The following KCNK12 variants were observed in gnomAD, a reference collection of about 807,000 sequenced individuals.
KCNK12 encodes potassium two pore domain channel subfamily K member 12.
A neutral mutation model predicts 25.3 loss-of-function variants in KCNK12; 6 were observed. The observed-to-expected ratio is 0.24, with a 90% CI of 0.13 to 0.47. The LOEUF (loss-of-function observed/expected upper bound fraction) is 0.47, where lower values mean the gene tolerates loss of function less well. KCNK12 is among the 20% of genes least tolerant of loss of function. The pLI is 0.99. For missense variants in KCNK12, 444 were observed against 661.7 expected (o/e 0.67, Z 3.61); for synonymous variants, 331 against 311.1 (o/e 1.06, Z -0.67).
chr2:47,531,778 C>T (rs1012516899), intron 1 of KCNK12, among the ~76,000 whole-genome samples: 1 of 152,182 alleles, frequency 6.6e-6, no homozygotes, highest in Non-Finnish European at 1.5e-5. Flanking sequence ...GATTAGGCAG[C>T]ACATAGGCCA....
Position 47,512,394 on chromosome 2 carries a change from G to A in KCNK12, c.*8513C>T, listed in dbSNP as rs116117580. 0.018 allele frequency: 29,135 copies of A among 1,611,322 alleles called. 349 individuals are homozygous for A. The highest frequency in any genetic ancestry group is 0.022 in the Non-Finnish European group (26,103 of 1,179,168). ...GGGGGAAAGAGATCTGCTTGCAGTCGGCCAGAGAGACAGAACCAGGGCAGT... is the reference window on the plus strand; with the variant it reads ...GGGGGAAAGAGATCTGCTTGCAGTCAGCCAGAGAGACAGAACCAGGGCAGT... On this transcript the variant is annotated 3_prime_UTR_variant, in exon 2 of 2. Transcript: ENST00000327876.
intron 1 of KCNK12, among the ~76,000 whole-genome samples, chr2:47,552,499 G>A (rs530680966): frequency 1.1e-4 from 16 of 152,328 alleles, no homozygotes; most frequent in Middle Eastern, 3.4e-3. Context: ...AGAGCCTGGC[G>A]GCTCATGCCT....
chr2:47,510,423 C>T lies in KCNK12; in HGVS notation c.*10484G>A, dbSNP rs1024713256. 5.3e-5 allele frequency: 8 copies of T among 152,038 alleles called. No homozygotes were observed. The highest frequency in any genetic ancestry group is 6.6e-5 in the Admixed American group (1 of 15,266). The allele number at this position is 152,038 out of a possible 1,614,324, so 9.4% of individuals were successfully genotyped here. On this transcript the variant is annotated 3_prime_UTR_variant, in exon 2 of 2. Transcript: ENST00000327876. ...CTTTCATAACTGATACAGGAGGGAC[C>T]CTGTGATTGGCAGTTCCACTAGACT...
chr2:47,569,884 A>G lies in KCNK12; in HGVS notation c.391+57T>C. ...GCGGACCGAGCGGCCGAGCAGTGGA[A>G]AGGGCGGCAGGTGAAAGGCACAGAG... On this transcript the variant is annotated intron_variant, in intron 1 of 1. Transcript: ENST00000327876. The surrounding 1 kb of genome is among the most constrained non-coding windows in gnomAD (Gnocchi z 4.1). 1 of 1,270,780 alleles carries G rather than the reference A, an allele frequency of 7.9e-7. No homozygotes were observed. Among genetic ancestry groups the G allele is most frequent in the Non-Finnish European group, 1.0e-6 (1 of 994,916 alleles). The allele number at this position is 1,270,780 out of a possible 1,614,324, so 78.7% of individuals were successfully genotyped here.
chr2:47,516,264 A>G lies in KCNK12; in HGVS notation c.*4643T>C, dbSNP rs766464526. On this transcript the variant is annotated 3_prime_UTR_variant, in exon 2 of 2. Coordinates refer to ENST00000327876, the MANE Select transcript of KCNK12 (RefSeq NM_022055.2). ...CTGGCCTGAGTTGCTCCTTAGACCA[A>G]TGAAATCAGACTCCTGGGAGTACGG... Among the ~76,000 whole-genome samples, 19 of 152,208 alleles carry G rather than the reference A, an allele frequency of 1.2e-4. No homozygotes were observed. The highest frequency in any genetic ancestry group is 1.9e-4 in the East Asian group (1 of 5,200).
rs1333545490 is a variant in KCNK12 at position 47,514,660 on chromosome 2, G to T, written c.*6247C>A. On this transcript the variant is annotated 3_prime_UTR_variant, in exon 2 of 2. Coordinates refer to ENST00000327876, the MANE Select transcript of KCNK12 (RefSeq NM_022055.2). This position sits in a 1 kb window ranked among gnomAD's most constrained non-coding sequence, Gnocchi z 5.0. ...GGGTCTTACTCTGTCACCAAGGCTG[G>T]AGTGCAGTGGCATGATCATGGCTCA... Among the ~76,000 whole-genome samples, 1 of 151,222 alleles carries T rather than the reference G, an allele frequency of 6.6e-6. No individual in the cohort carries two copies. The highest frequency in any genetic ancestry group is 1.9e-4 in the East Asian group (1 of 5,158).
chr2:47,513,763 G>A lies in KCNK12; in HGVS notation c.*7144C>T, dbSNP rs1323406808. 2.0e-5 allele frequency among the ~76,000 whole-genome samples: 3 copies of A among 152,134 alleles called. No individual in the cohort carries two copies. Among genetic ancestry groups the A allele is most frequent in the Admixed American group, 6.5e-5 (1 of 15,276 alleles). On this transcript the variant is annotated 3_prime_UTR_variant, in exon 2 of 2. Coordinates refer to ENST00000327876, the MANE Select transcript of KCNK12 (RefSeq NM_022055.2). Reference sequence around the variant, plus strand: ...CACTGTCTACCTGGCTGCTTAGCCTGAGACCTGGCTCCGTCCCAATTCCTC... The same window carrying A: ...CACTGTCTACCTGGCTGCTTAGCCTAAGACCTGGCTCCGTCCCAATTCCTC...
Position 47,517,942 on chromosome 2 carries a change from C to T in KCNK12, c.*2965G>A, listed in dbSNP as rs1173771441. On this transcript the variant is annotated 3_prime_UTR_variant, in exon 2 of 2. Coordinates refer to ENST00000327876, the MANE Select transcript of KCNK12 (RefSeq NM_022055.2). This position sits in a 1 kb window ranked among gnomAD's most constrained non-coding sequence, Gnocchi z 4.1. Reference sequence around the variant, plus strand: ...CAGGCCTAAGGTTAGGAAGCAAATCCTGGAGCATGAGGAAATTGTAGGCTA... The same window carrying T: ...CAGGCCTAAGGTTAGGAAGCAAATCTTGGAGCATGAGGAAATTGTAGGCTA... 6.6e-6 allele frequency: 1 copy of T among 152,160 alleles called. No homozygotes were observed. Among genetic ancestry groups the T allele is most frequent in the Non-Finnish European group, 1.5e-5 (1 of 68,064 alleles). The allele number at this position is 152,160 out of a possible 1,614,324, so 9.4% of individuals were successfully genotyped here.
chr2:47,565,343 T>C lies in KCNK12; in HGVS notation c.391+4598A>G, dbSNP rs975469271. ...GGGCTTATAATGTCTTAGTTTCCTT[T>C]GTAGCAAAAAGAGTTTTAAAAATCC... is the stretch of plus-strand genomic sequence containing the variant. On this transcript the variant is annotated intron_variant, in intron 1 of 1. Coordinates refer to ENST00000327876, the MANE Select transcript of KCNK12 (RefSeq NM_022055.2). The surrounding 1 kb of genome is among the most constrained non-coding windows in gnomAD (Gnocchi z 5.0). 7.9e-5 allele frequency: 12 copies of C among 152,330 alleles called. No homozygotes were observed. Among genetic ancestry groups the C allele is most frequent in the African/African-American group, 2.6e-4 (11 of 41,568 alleles). 9.4% of individuals were successfully genotyped at this position (152,330 alleles called of 1,614,324 possible).
chr2:47,542,944 G>T (rs7575486), intron 1 of KCNK12, among the ~76,000 whole-genome samples: 3 of 151,960 alleles, frequency 2.0e-5, no homozygotes, highest in Admixed American at 1.3e-4. Context: ...TTTAGAGATG[G>T]GGTCTCACTG....
chr2:47,539,511 G>GAAGGGAGGCCA (rs1296018819), intron 1 of KCNK12, among the ~76,000 whole-genome samples: 1 of 152,160 alleles, frequency 6.6e-6, no homozygotes, highest in East Asian at 1.9e-4. Context: ...GGGGACTAAG[G>GAAGGGAGGCCA]AAGGGAGGCC....
chr2:47,542,174 A>G (rs1471728162), intron 1 of KCNK12, among the ~76,000 whole-genome samples: 2 of 152,208 alleles, frequency 1.3e-5, no homozygotes, highest in African/African-American at 4.8e-5. Flanking sequence ...GGGCTCCTCC[A>G]GGTTCTCATC....
Position 47,562,433 on chromosome 2 carries a change from ACCAGTTAC to A in KCNK12, c.391+7500_391+7507del. The A allele has an allele frequency of 3.6e-6, 1 of 280,832 alleles. No homozygotes were observed. The highest frequency in any genetic ancestry group is 5.3e-5 in the Admixed American group (1 of 19,030). 17.4% of individuals were successfully genotyped at this position (280,832 alleles called of 1,614,324 possible). On this transcript the variant is annotated intron_variant, in intron 1 of 1. Coordinates refer to ENST00000327876, the MANE Select transcript of KCNK12 (RefSeq NM_022055.2). The surrounding 1 kb of genome is among the most constrained non-coding windows in gnomAD (Gnocchi z 4.8). ...TCAATTTTTCTAAGGGCCCAGGCAC[ACCAGTTAC>A]CACTGACCTGCTAGTAAGCCAGGAA...
rs1272114592 is a variant in KCNK12, at chr2:47,562,815, G to C, written c.391+7126C>G. ...TCTCCCCGTGTAGAAACTCTGCAGA[G>C]AGTATGACCGTGTCTCTTAAAAAAA... On this transcript the variant is annotated intron_variant, in intron 1 of 1. Coordinates refer to ENST00000327876, the MANE Select transcript of KCNK12 (RefSeq NM_022055.2). This position sits in a 1 kb window ranked among gnomAD's most constrained non-coding sequence, Gnocchi z 4.8. 4.3e-6 allele frequency: 1 copy of C among 233,092 alleles called. No homozygotes were observed. The highest frequency in any genetic ancestry group is 5.6e-5 in the Admixed American group (1 of 17,786). 14.4% of individuals were successfully genotyped at this position (233,092 alleles called of 1,614,324 possible).
In KCNK12 at chr2:47,557,859, C is replaced by T. The variant is rs1291839624; in HGVS notation, c.391+12082G>A. 6.6e-6 allele frequency among the ~76,000 whole-genome samples: 1 copy of T among 152,268 alleles called. No individual in the cohort carries two copies. Among genetic ancestry groups the T allele is most frequent in the East Asian group, 1.9e-4 (1 of 5,178 alleles). On this transcript the variant is annotated intron_variant, in intron 1 of 1. Coordinates refer to ENST00000327876, the MANE Select transcript of KCNK12 (RefSeq NM_022055.2). This position sits in a 1 kb window ranked among gnomAD's most constrained non-coding sequence, Gnocchi z 4.9. ...CTGAGATGCCTTAGGGATTCGGGGA[C>T]TGTGAAGGTAGAAACGGCAGTAAGG...
Position 47,516,332 on chromosome 2 carries a change from G to A in KCNK12, c.*4575C>T, listed in dbSNP as rs1339042316. On this transcript the variant is annotated 3_prime_UTR_variant, in exon 2 of 2. Coordinates refer to ENST00000327876, the MANE Select transcript of KCNK12 (RefSeq NM_022055.2). Reference sequence around the variant, plus strand: ...TTTAAAGCTCCATTTGGAGAGCCTCGGGCACAGCCAGGTTGGATCCATCTC... The same window carrying A: ...TTTAAAGCTCCATTTGGAGAGCCTCAGGCACAGCCAGGTTGGATCCATCTC... Among the ~76,000 whole-genome samples the A allele has an allele frequency of 6.6e-6, 1 of 152,120 alleles. No individual in the cohort carries two copies. The highest frequency in any genetic ancestry group is 1.5e-5 in the Non-Finnish European group (1 of 68,024).
Position 47,569,821 on chromosome 2 carries a change from G to A in KCNK12, c.391+120C>T. On this transcript the variant is annotated intron_variant, in intron 1 of 1. Coordinates refer to ENST00000327876, the MANE Select transcript of KCNK12 (RefSeq NM_022055.2). The surrounding 1 kb of genome is among the most constrained non-coding windows in gnomAD (Gnocchi z 4.1). Reference sequence around the variant, plus strand: ...GGAGAAGAGGGCGAGACGAAAGTAAGCAAAGGGACATTAGAAGGGAAGGCA... The same window carrying A: ...GGAGAAGAGGGCGAGACGAAAGTAAACAAAGGGACATTAGAAGGGAAGGCA... The A allele has an allele frequency of 1.3e-6, 1 of 797,088 alleles. No homozygotes were observed. Among genetic ancestry groups the A allele is most frequent in the Non-Finnish European group, 1.7e-6 (1 of 576,044 alleles). 49.4% of individuals were successfully genotyped at this position (797,088 alleles called of 1,614,324 possible).
Position 47,570,100 on chromosome 2 carries a change from T to C in KCNK12, c.232A>G (p.Asn78Asp). ...GCCACGCCGTGCGCAGCGCTGAAGTTGCGCAGCGTGGCGCCCCAGCGCGCC... is the reference window on the plus strand; with the variant it reads ...GCCACGCCGTGCGCAGCGCTGAAGTCGCGCAGCGTGGCGCCCCAGCGCGCC... ...ARARWGATLR[N>D]FSAAHGVAEP... The change falls in exon 1 of 2, where the codon AAC becomes GAC. Residue 78 changes from asparagine (N) to aspartate (D), a missense_variant. Coordinates refer to ENST00000327876, the MANE Select transcript of KCNK12 (RefSeq NM_022055.2). 1 of 1,403,638 alleles carries C rather than the reference T, an allele frequency of 7.1e-7. No individual in the cohort carries two copies. Among genetic ancestry groups the C allele is most frequent in the Non-Finnish European group, 9.3e-7 (1 of 1,079,408 alleles). 86.9% of individuals were successfully genotyped at this position (1,403,638 alleles called of 1,614,324 possible).
chr2:47,512,500 C>T lies in KCNK12; in HGVS notation c.*8407G>A, dbSNP rs1668428373. The stretch of plus-strand genomic sequence containing the variant: ...ATTCTACAAACATCCCTTCTGTAAA[C>T]ATTTCCCTCAAAATGGAGCAGGAAG... On this transcript the variant is annotated 3_prime_UTR_variant, in exon 2 of 2. Transcript: ENST00000327876. 2.2e-5 allele frequency: 32 copies of T among 1,482,730 alleles called. No homozygotes were observed. The highest frequency in any genetic ancestry group is 2.4e-5 in the Non-Finnish European group (27 of 1,104,810). 91.8% of individuals were successfully genotyped at this position (1,482,730 alleles called of 1,614,324 possible).
Sources: gnomAD v4.1 joint callset for allele counts (sites outside exome capture counted in the v4.1 genomes callset) on GRCh38, gnomAD v4.1.1 for gene constraint, Gnocchi (gnomAD v3.1) non-coding constraint, MANE v1.5 for transcripts, NCBI Gene and HGNC (gene_info 2026-07-23, HGNC 2026-07-21) for gene names.